HTRA3: variants seen among roughly 807,000 people sequenced by gnomAD.
The protein encoded by HTRA3 is HtrA serine peptidase 3.
Under a neutral mutation model 43.2 loss-of-function variants are expected in HTRA3, and 41 were observed. That is an observed-to-expected ratio of 0.95 (90% confidence interval 0.74 to 1.23). The LOEUF (loss-of-function observed/expected upper bound fraction) is 1.23. Among genes scored for constraint, HTRA3 ranks in the 50% most tolerant of loss-of-function variants. HTRA3 has a pLI of 0.00. For missense variants in HTRA3, 628 were observed against 647.1 expected, an observed-to-expected ratio of 0.97 and a Z score of 0.32; for synonymous variants, 295 against 287.9, an observed-to-expected ratio of 1.02 and a Z score of -0.25.
chr4:8,277,669 T>C (rs997671333), intron 1 of HTRA3, among the ~76,000 whole-genome samples: 5 of 152,160 alleles, frequency 3.3e-5, no homozygotes, highest in African/African-American at 9.7e-5. Context: ...AGAGCCGAGG[T>C]CCACAGGGGA....
At chr4:8,283,814 C>T (rs1712851157) in intron 2 of HTRA3, among the ~76,000 whole-genome samples, 1 of 152,206 alleles carries the variant, frequency 6.6e-6, no homozygotes. Context: ...TGACGAGGCT[C>T]CACTGCCCTA....
intron 1 of HTRA3, among the ~76,000 whole-genome samples, 155 bp from the exon 2 acceptor site, chr4:8,282,282 G>C (rs1374632680): frequency 6.6e-6 from 1 of 152,196 alleles, no homozygotes; most frequent in Non-Finnish European, 1.5e-5. Context: ...GTGTGGTAGG[G>C]GGTCCCCAAC....
chr4:8,306,231 A>C lies in HTRA3; in HGVS notation c.*95A>C. 1 of 1,337,018 alleles carries C rather than the reference A, an allele frequency of 7.5e-7. No individual in the cohort carries two copies. The highest frequency in any genetic ancestry group is 1.5e-5 in the South Asian group (1 of 66,868). The allele number at this position is 1,337,018 out of a possible 1,614,324, so 82.8% of individuals were successfully genotyped here. A position where few individuals can be genotyped will look rare whatever the true frequency, so the allele number is the denominator to read the frequency against. ...GGACGAAGGACCACCGTCGGTCCTC[A>C]GCAGGGCGGCAGCCTCCTCCTGGCT... On this transcript the variant is annotated 3_prime_UTR_variant, in exon 9 of 9. Transcript: ENST00000307358. This position sits in a 1 kb window ranked among gnomAD's most constrained non-coding sequence, Gnocchi z 8.9.
chr4:8,270,498 T>C, intron 1 of HTRA3, 145 bp downstream of exon 1: 1 of 961,560 alleles, frequency 1.0e-6, no homozygotes, highest in South Asian at 2.2e-5. Context: ...CCTCTGGTCT[T>C]TCAGATGAAG....
intron 6 of HTRA3, among the ~76,000 whole-genome samples, chr4:8,294,499 C>G (rs913443867): frequency 2.0e-5 from 3 of 151,308 alleles, no homozygotes; most frequent in Non-Finnish European, 4.4e-5. Context: ...CCACCATCAG[C>G]TTCCTGGACT....
intron 2 of HTRA3, among the ~76,000 whole-genome samples, chr4:8,284,579 G>A (rs557445539): frequency 4.6e-5 from 7 of 152,324 alleles, no homozygotes; most frequent in East Asian, 1.9e-4. Flanking sequence ...TGCAGACCCC[G>A]CAGGTGCCTG....
At chr4:8,277,398 T>C (rs1712571462) in intron 1 of HTRA3, among the ~76,000 whole-genome samples, 1 of 152,168 alleles carries the variant, frequency 6.6e-6, no homozygotes, top group African/African-American at 2.4e-5. Flanking sequence ...TCCTGCCCAC[T>C]GCAGCGGGCC....
chr4:8,303,445 G>A (rs530498787), intron 7 of HTRA3, among the ~76,000 whole-genome samples: 21 of 152,330 alleles, frequency 1.4e-4, no homozygotes, highest in African/African-American at 4.6e-4. Context: ...AGCAGGGGCA[G>A]GATAGAAGGG....
chr4:8,282,609 A>G (rs1712799134), intron 2 of HTRA3, 73 bp downstream of exon 2: 2 of 1,186,186 alleles, frequency 1.7e-6, no homozygotes, highest in Non-Finnish European at 2.5e-6. Context: ...TGGGGCCCAA[A>G]CCAGGCTTGA....
At chr4:8,302,132 G>A (rs1248455592) in intron 6 of HTRA3, among the ~76,000 whole-genome samples, 4 of 152,200 alleles carry the variant, frequency 2.6e-5, no homozygotes, top group Non-Finnish European at 5.9e-5. Flanking sequence ...ATGGAAGCCA[G>A]AAAGGACAGC....
intron 2 of HTRA3, 65 bp downstream of exon 2, chr4:8,282,601 G>C (rs1441136333): frequency 7.8e-7 from 1 of 1,287,312 alleles, no homozygotes; most frequent in African/African-American, 1.5e-5. Flanking sequence ...CCAGCTGCTG[G>C]GGCCCAAACC....
intron 7 of HTRA3, among the ~76,000 whole-genome samples, 163 bp downstream of exon 7, chr4:8,302,674 G>A (rs1326469407): frequency 1.3e-5 from 2 of 152,212 alleles, no homozygotes; most frequent in Non-Finnish European, 2.9e-5. Context: ...CTTTTGCGTG[G>A]ACCTTTCCCT....
In HTRA3 at chr4:8,270,288, G is replaced by C; in HGVS notation, c.320G>C (p.Ser107Thr). The C allele has an allele frequency of 1.6e-5, 24 of 1,481,562 alleles. No homozygotes were observed. The highest frequency in any genetic ancestry group is 2.1e-5 in the Non-Finnish European group (24 of 1,122,322). 91.8% of individuals were successfully genotyped at this position (1,481,562 alleles called of 1,614,324 possible). Residue 107 changes from serine to threonine, a missense_variant, in exon 1 of 9, where the codon AGC (serine) becomes ACC (threonine). Physicochemically the swap from Ser to Thr is moderately conservative, Grantham distance 58. Coordinates refer to ENST00000307358, the MANE Select transcript of HTRA3 (RefSeq NM_053044.5). ...AACGTGTGCGCGCTGCAGGCGGCCA[G>C]CCGCCGCGCGCTGCAGCTCTCCGGG... is the stretch of plus-strand genomic sequence containing the variant. The part of the protein sequence containing the change: ...YANVCALQAA[S>T]RRALQLSGTP...
rs1055867496 is a variant in HTRA3, at chr4:8,295,929, C to T, written c.1051+1728C>T. 10 of 1,224,876 alleles carry T rather than the reference C, an allele frequency of 8.2e-6. No homozygotes were observed. In the African/African-American group the frequency reaches 1.6e-4, roughly 19 times the overall value. 75.9% of individuals were successfully genotyped at this position (1,224,876 alleles called of 1,614,324 possible). A position where few individuals can be genotyped will look rare whatever the true frequency, so the allele number is the denominator to read the frequency against. ...CCCAAAGAAGCTGAAGTCTTCTTCT[C>T]TTGAACAGTGGGGACCATCTAATCT... On this transcript the variant is annotated intron_variant, in intron 6 of 8. Transcript: ENST00000307358. This position sits in a 1 kb window ranked among gnomAD's most constrained non-coding sequence, Gnocchi z 6.9.
At position 8,301,662 on chromosome 4, in the gene HTRA3, G is replaced by C. The variant is rs566023167; in HGVS notation, c.1052-801G>C. Among the ~76,000 whole-genome samples, 6 of 152,176 alleles carry C rather than the reference G, an allele frequency of 3.9e-5. No individual in the cohort carries two copies. In the South Asian group the frequency reaches 1.2e-3, roughly 32 times the overall value. ...GAGACTTTTCTTATTTTCTAATATAGACACTTTAGTACTATTAATTTCCCT... is the reference window on the plus strand; with the variant it reads ...GAGACTTTTCTTATTTTCTAATATACACACTTTAGTACTATTAATTTCCCT... On this transcript the variant is annotated intron_variant, in intron 6 of 8. Coordinates refer to ENST00000307358, the MANE Select transcript of HTRA3 (RefSeq NM_053044.5).
intron 1 of HTRA3, among the ~76,000 whole-genome samples, chr4:8,281,265 C>T (rs561192894): frequency 3.7e-4 from 56 of 152,290 alleles, no homozygotes; most frequent in African/African-American, 1.1e-3. Context: ...GATTTTCCCT[C>T]GGTCCCCATG....
chr4:8,292,598 T>C (rs1466313796), intron 5 of HTRA3, among the ~76,000 whole-genome samples: 1 of 152,180 alleles, frequency 6.6e-6, no homozygotes, highest in Non-Finnish European at 1.5e-5. Flanking sequence ...TCCAGGGCCA[T>C]GTGCCTGTCA....
chr4:8,305,934 AG>A, intron 8 of HTRA3, 36 bp from the exon 9 acceptor site: 1 of 1,606,604 alleles, frequency 6.2e-7, no homozygotes, highest in Non-Finnish European at 8.5e-7. Context: ...GTGCCTGGGG[AG>A]GCGGTGGGTG....
intron 6 of HTRA3, among the ~76,000 whole-genome samples, chr4:8,300,773 T>G (rs1198405341): frequency 6.6e-6 from 1 of 152,254 alleles, no homozygotes; most frequent in African/African-American, 2.4e-5. Context: ...TTATTATGGA[T>G]TCACACTCAT....
Sources: allele counts gnomAD v4.1 joint callset (sites outside exome capture counted in the v4.1 genomes callset), GRCh38; gene constraint gnomAD v4.1.1; non-coding constraint Gnocchi (gnomAD v3.1); transcripts MANE v1.5; gene names NCBI Gene and HGNC (gene_info 2026-07-23, HGNC 2026-07-21).